ASIC2: variants seen among roughly 807,000 people sequenced by gnomAD.
ASIC2 encodes acid-sensing ion channel 2.
Under a neutral mutation model 57.3 loss-of-function variants are expected in ASIC2, and 25 were observed. The observed-to-expected ratio is 0.44, with a 90% CI of 0.32 to 0.61. ASIC2 has a LOEUF of 0.61. ASIC2 is among the 20% of genes least tolerant of loss of function. The pLI, the probability that ASIC2 is intolerant of heterozygous loss-of-function variation, is 0.06. For synonymous variants in ASIC2, 319 were observed against 307.5 expected (o/e 1.04, Z -0.39); for missense variants, 641 against 738.1 (o/e 0.87, Z 1.52).
intron 1 of ASIC2, among the ~76,000 whole-genome samples, chr17:33,724,521 A>G (rs1567698567): frequency 6.6e-6 from 1 of 152,166 alleles, no homozygotes; most frequent in Non-Finnish European, 1.5e-5. Flanking sequence ...CTGAGTCCAG[A>G]TGTGAAGGAG....
At chr17:33,758,749 G>A (rs977942799) in intron 1 of ASIC2, among the ~76,000 whole-genome samples, 4 of 152,142 alleles carry the variant, frequency 2.6e-5, no homozygotes, top group South Asian at 2.1e-4. Context: ...ACCCTGTGCC[G>A]CCCCAGGACT....
At chr17:33,779,183 A>G (rs944268003) in intron 1 of ASIC2, among the ~76,000 whole-genome samples, 2 of 152,158 alleles carry the variant, frequency 1.3e-5, no homozygotes, top group African/African-American at 4.8e-5. Context: ...TTTTGTAAAC[A>G]CATTTGGCTT....
In ASIC2 at chr17:33,202,307, G is replaced by A. The variant is rs1052307380; in HGVS notation, c.708+89101C>T. Among the ~76,000 whole-genome samples, 4 of 152,326 alleles carry A rather than the reference G, an allele frequency of 2.6e-5. No homozygotes were observed. The East Asian group carries it at 5.8e-4, about 22-fold the overall frequency. On this transcript the variant is annotated intron_variant, in intron 1 of 9. Coordinates refer to ENST00000225823, the MANE Select transcript of ASIC2 (RefSeq NM_183377.2). Reference sequence around the variant, plus strand: ...AGGGACAGCTGCGGGTTCATTATGCGTGATGAGTTTGGGAGGGAGAAAATG... The same window carrying A: ...AGGGACAGCTGCGGGTTCATTATGCATGATGAGTTTGGGAGGGAGAAAATG...
At chr17:33,372,429 G>T (rs1010827505) in intron 1 of ASIC2, among the ~76,000 whole-genome samples, 1 of 152,136 alleles carries the variant, frequency 6.6e-6, no homozygotes, top group Non-Finnish European at 1.5e-5. Context: ...GGGCCCGGGG[G>T]AATGAGACAA....
chr17:33,906,436 GTA>G (rs1915351162), intron 1 of ASIC2, among the ~76,000 whole-genome samples: 1 of 152,160 alleles, frequency 6.6e-6, no homozygotes, highest in Non-Finnish European at 1.5e-5. Flanking sequence ...TGCTGAGTAA[GTA>G]TTCCACTCCT....
At chr17:33,458,563 T>G (rs923897639) in intron 1 of ASIC2, among the ~76,000 whole-genome samples, 1 of 152,186 alleles carries the variant, frequency 6.6e-6, no homozygotes, top group Non-Finnish European at 1.5e-5. Context: ...AGTTAACACC[T>G]CTGTGCCTCA....
At chr17:33,508,061 G>A (rs1295887364) in intron 1 of ASIC2, among the ~76,000 whole-genome samples, 1 of 151,738 alleles carries the variant, frequency 6.6e-6, no homozygotes, top group African/African-American at 2.4e-5. Flanking sequence ...TCTACCTTTT[G>A]CCCCATTTCC....
chr17:33,085,790 T>C (rs550799034), intron 3 of ASIC2, among the ~76,000 whole-genome samples: 6 of 152,342 alleles, frequency 3.9e-5, no homozygotes, highest in Admixed American at 3.9e-4. Context: ...TATGCTCTTT[T>C]ATATACATGT....
At chr17:33,443,898 T>C (rs1218994415) in intron 1 of ASIC2, among the ~76,000 whole-genome samples, 1 of 152,156 alleles carries the variant, frequency 6.6e-6, no homozygotes, top group Non-Finnish European at 1.5e-5. Flanking sequence ...TTTCTTAAAA[T>C]ATTATTTATA....
At chr17:33,912,821 A>C (rs1915497289) in intron 1 of ASIC2, among the ~76,000 whole-genome samples, 1 of 152,008 alleles carries the variant, frequency 6.6e-6, no homozygotes, top group Non-Finnish European at 1.5e-5. Flanking sequence ...CTCTACTAAA[A>C]ATGCAAAATT....
At chr17:33,253,595 A>T (rs753320679) in intron 1 of ASIC2, among the ~76,000 whole-genome samples, 1 of 152,218 alleles carries the variant, frequency 6.6e-6, no homozygotes, top group Non-Finnish European at 1.5e-5. Flanking sequence ...TGCAGCATTG[A>T]CTAGCATTTG....
intron 1 of ASIC2, among the ~76,000 whole-genome samples, chr17:33,824,671 A>G (rs1234357301): frequency 1.3e-5 from 2 of 152,094 alleles, no homozygotes; most frequent in Non-Finnish European, 2.9e-5. Flanking sequence ...CCACGTCCCC[A>G]TGTGTTGTGG....
At chr17:33,665,373 G>T (rs1157303295) in intron 1 of ASIC2, among the ~76,000 whole-genome samples, 1 of 152,152 alleles carries the variant, frequency 6.6e-6, no homozygotes, top group Non-Finnish European at 1.5e-5. Context: ...AAGCCACAGA[G>T]ACCAAAGACC....
intron 1 of ASIC2, among the ~76,000 whole-genome samples, chr17:33,710,264 C>G (rs12451857): frequency 0.13 from 20,281 of 152,264 alleles, 1,402 homozygotes; most frequent in African/African-American, 0.17. Context: ...TCCATTTATC[C>G]ATTCATCCAT....
chr17:33,295,959 C>T (rs1905703637), upstream of ASIC2, among the ~76,000 whole-genome samples: 1 of 152,080 alleles, frequency 6.6e-6, no homozygotes, highest in South Asian at 2.1e-4. Context: ...GCTGGGATTA[C>T]AGGAGTGTGC....
intron 1 of ASIC2, chr17:33,541,488 C>G (rs1356734830): frequency 2.0e-5 from 3 of 152,220 alleles, no homozygotes; most frequent in African/African-American, 7.2e-5. Flanking sequence ...CTAACTCTGC[C>G]CACTCATTTT....
At chr17:34,021,934 C>T (rs1310180761) in intron 1 of ASIC2, among the ~76,000 whole-genome samples, 4 of 148,418 alleles carry the variant, frequency 2.7e-5, no homozygotes, top group Non-Finnish European at 5.9e-5. Context: ...ACCTCCTGGG[C>T]TCACGCCATT....
intron 1 of ASIC2, among the ~76,000 whole-genome samples, chr17:33,397,736 T>C (rs1910131406): frequency 6.6e-6 from 1 of 152,164 alleles, no homozygotes; most frequent in African/African-American, 2.4e-5. Context: ...AAAAGGTCAG[T>C]GCAACAAGAA....
chr17:33,770,061 G>A (rs1911048978), intron 1 of ASIC2, among the ~76,000 whole-genome samples: 1 of 152,204 alleles, frequency 6.6e-6, no homozygotes. Context: ...GCCCTAGGTA[G>A]GAGTTTATGA....
Sources: allele counts gnomAD v4.1 joint callset (sites outside exome capture counted in the v4.1 genomes callset), GRCh38; gene constraint gnomAD v4.1.1; transcripts MANE v1.5; gene names NCBI Gene and HGNC (gene_info 2026-07-23, HGNC 2026-07-21).